The following CTSD variants were observed in gnomAD, a reference collection of about 807,000 sequenced individuals.
The protein encoded by CTSD is cathepsin D, also known as ceroid-lipofuscinosis, neuronal 10.
CTSD carries 28 observed loss-of-function variants against 43.6 expected under a neutral mutation model. The ratio of observed to expected loss-of-function variants is 0.64; its 90% CI spans 0.48 to 0.88. The LOEUF is 0.88. Ranked by LOEUF, CTSD falls within the 40% of genes least tolerant of loss-of-function variation. The pLI is 0.00. For synonymous variants in CTSD, 270 were observed against 249.8 expected (o/e 1.08, Z -0.76); for missense variants, 485 against 555.2 (o/e 0.87, Z 1.27).
chr11:1,756,981 G>C (rs1351307918), intron 5 of CTSD, among the ~76,000 whole-genome samples: 1 of 152,176 alleles, frequency 6.6e-6, no homozygotes, highest in African/African-American at 2.4e-5. Flanking sequence ...ACCAGGTCTG[G>C]GGACCGACGG....
intron 5 of CTSD, 91 bp from the exon 6 acceptor site, chr11:1,755,119 G>T: frequency 6.6e-7 from 1 of 1,509,602 alleles, no homozygotes; most frequent in African/African-American, 1.4e-5. Context: ...TGGCAATCAG[G>T]GAGAGCTTCC....
chr11:1,760,627 C>A (rs145584277), intron 2 of CTSD: 160 of 155,168 alleles, frequency 1.0e-3, no homozygotes, highest in East Asian at 2.7e-3. Context: ...ACTGGCCAGT[C>A]GGGACCAGGC....
At chr11:1,754,662 A>G in intron 6 of CTSD, among the ~76,000 whole-genome samples, 1 of 130,004 alleles carries the variant, frequency 7.7e-6, no homozygotes, top group East Asian at 2.5e-4. Context: ...GGTCATGGAG[A>G]GTCACAGAGG....
chr11:1,756,000 G>A (rs1245937393), intron 5 of CTSD, among the ~76,000 whole-genome samples: 1 of 152,102 alleles, frequency 6.6e-6, no homozygotes, highest in Non-Finnish European at 1.5e-5. Context: ...CTACACCTGG[G>A]CACTCACAAC....
At chr11:1,760,949 G>A (rs1590908430) in intron 2 of CTSD, 1 of 347,598 alleles carries the variant, frequency 2.9e-6, no homozygotes, top group South Asian at 2.4e-5. Context: ...AGGGGCTGGG[G>A]AGGCCACGAG....
At chr11:1,753,717 C>T (rs748719137) in intron 8 of CTSD, 47 bp from the exon 9 acceptor site, 6 of 1,609,770 alleles carry the variant, frequency 3.7e-6, no homozygotes, top group South Asian at 1.1e-5. Flanking sequence ...ACCACCCGCC[C>T]CCCCACCTGT....
At position 1,753,022 on chromosome 11, in the gene CTSD, T is replaced by C; in HGVS notation, c.*481A>G. ...CTCATCCTCAACGGGCCCGGGACAC[T>C]GAACAGGTAGGGTGGCAGAGCCCAG... On this transcript the variant is annotated 3_prime_UTR_variant, in exon 9 of 9. Transcript: ENST00000236671. The C allele has an allele frequency of 3.8e-6, 1 of 261,756 alleles. No individual in the cohort carries two copies. The highest frequency in any genetic ancestry group is 7.6e-6 in the Non-Finnish European group (1 of 131,380). The allele number at this position is 261,756 out of a possible 1,614,324, so 16.2% of individuals were successfully genotyped here.
In CTSD at chr11:1,754,896, CACT is replaced by C; in HGVS notation, c.827+7_827+9del. 1.9e-6 allele frequency: 3 copies of C among 1,613,764 alleles called. No homozygotes were observed. The highest frequency in any genetic ancestry group is 2.5e-6 in the Non-Finnish European group (3 of 1,179,880). On this transcript the variant is annotated splice_region_variant and intron_variant, in intron 6 of 8. Coordinates refer to ENST00000236671, the MANE Select transcript of CTSD (RefSeq NM_001909.5). ...AGAACCCAGGGGAGCCGACTGCAGC[CACT>C]ACTCACTGGTCCAGGTGGACCTGCC...
Position 1,757,389 on chromosome 11 carries a change from G to A in CTSD, c.639C>T (p.Pro213=), listed in dbSNP as rs146073498. The A allele has an allele frequency of 2.7e-5, 44 of 1,614,056 alleles. No individual in the cohort carries two copies. The East Asian group carries it at 2.9e-4, about 11-fold the overall frequency. ...YPRISVNNVL[P]VFDNLMQQKL... ...TCTGCTGCATCAGGTTGTCGAAGAC[G>A]GGCAGCACGTTGTTGACGGAGATGC... The change falls in exon 5 of 9, where the codon CCC becomes CCT. Residue 213 remains proline, a synonymous_variant. Transcript: ENST00000236671.
At position 1,754,947 on chromosome 11, in the gene CTSD, C is replaced by T; in HGVS notation, c.786G>A (p.Leu262=). ...SKYYKGSLSY[L]NVTRKAYWQV... Reference sequence around the variant, plus strand: ...GCCAGTAGGCCTTGCGGGTGACATTCAGGTAGGACAGAGAACCCTTGTAAT... The same window carrying T: ...GCCAGTAGGCCTTGCGGGTGACATTTAGGTAGGACAGAGAACCCTTGTAAT... Residue 262 remains leucine (L), a synonymous_variant, in exon 6 of 9, where the codon CTG becomes CTA. Transcript: ENST00000236671. 1 of 1,613,940 alleles carries T rather than the reference C, an allele frequency of 6.2e-7. No homozygotes were observed. The highest frequency in any genetic ancestry group is 8.5e-7 in the Non-Finnish European group (1 of 1,179,900).
chr11:1,753,729 G>A (rs1465673891), intron 8 of CTSD, 59 bp from the exon 9 acceptor site: 53 of 1,606,424 alleles, frequency 3.3e-5, no homozygotes, highest in Non-Finnish European at 1.7e-6. Flanking sequence ...CCCACCTGTT[G>A]CCCGCTCACC....
chr11:1,763,782 G>A lies in CTSD; in HGVS notation c.68+10C>T, dbSNP rs760082760. 36 of 1,523,930 alleles carry A rather than the reference G, an allele frequency of 2.4e-5. No homozygotes were observed. The African/African-American group carries it at 4.8e-4, about 20-fold the overall frequency. 94.4% of individuals were successfully genotyped at this position (1,523,930 alleles called of 1,614,324 possible). On this transcript the variant is annotated intron_variant, in intron 1 of 8. Coordinates refer to ENST00000236671, the MANE Select transcript of CTSD (RefSeq NM_001909.5). ...TGCCCGTCCCTGAGCCCCGGCCCCT[G>A]AGGCTTCACCTGACGAGCGCGGAGG...
Position 1,752,910 on chromosome 11 carries a change from T to C in CTSD, c.*593A>G. The stretch of plus-strand genomic sequence containing the variant: ...GCCAATACATGCCCCTGGGACTGGC[T>C]CAGTCCCAGCACCACCCTGCAGGCT... On this transcript the variant is annotated 3_prime_UTR_variant, in exon 9 of 9. Coordinates refer to ENST00000236671, the MANE Select transcript of CTSD (RefSeq NM_001909.5). 1 of 167,550 alleles carries C rather than the reference T, an allele frequency of 6.0e-6. No individual in the cohort carries two copies. Among genetic ancestry groups the C allele is most frequent in the South Asian group, 1.5e-4 (1 of 6,864 alleles). 10.4% of individuals were successfully genotyped at this position (167,550 alleles called of 1,614,324 possible).
At position 1,755,040 on chromosome 11, in the gene CTSD, A is replaced by T. The variant is rs1182331333; in HGVS notation, c.705-12T>A. The T allele has an allele frequency of 6.2e-7, 1 of 1,613,366 alleles. No individual in the cohort carries two copies. Among genetic ancestry groups the T allele is most frequent in the Non-Finnish European group, 8.5e-7 (1 of 1,179,796 alleles). On this transcript the variant is annotated splice_polypyrimidine_tract_variant and intron_variant, in intron 5 of 8. Coordinates refer to ENST00000236671, the MANE Select transcript of CTSD (RefSeq NM_001909.5). ...GCGCATCTGGGTCCCTAGGAGGAAA[A>T]GGGAGGAGTCAGCTGCCACGCCACC...
chr11:1,754,650 T>A (rs1450378714), intron 6 of CTSD, among the ~76,000 whole-genome samples: 6 of 110,640 alleles, frequency 5.4e-5, no homozygotes, highest in African/African-American at 1.1e-4. Flanking sequence ...GAAGGGATGG[T>A]GGGTCATGGA....
At position 1,753,534 on chromosome 11, in the gene CTSD, C is replaced by T; in HGVS notation, c.1208G>A (p.Arg403Lys). 1 of 1,613,026 alleles carries T rather than the reference C, an allele frequency of 6.2e-7. No individual in the cohort carries two copies. The highest frequency in any genetic ancestry group is 8.5e-7 in the Non-Finnish European group (1 of 1,179,902). ...GCGGGCAGCCTCGGCGAAGCCCACCCTGTTGTTGTCACGGTCAAACACAGT... is the reference window on the plus strand; with the variant it reads ...GCGGGCAGCCTCGGCGAAGCCCACCTTGTTGTTGTCACGGTCAAACACAGT... The part of the protein sequence containing the change: ...YYTVFDRDNN[R>K]VGFAEAARL The change falls in exon 9 of 9, where the codon AGG becomes AAG. Residue 403 changes from arginine (R) to lysine (K), a missense_variant. Coordinates refer to ENST00000236671, the MANE Select transcript of CTSD (RefSeq NM_001909.5).
rs8839 is a variant in CTSD at position 1,752,906 on chromosome 11, T to G, written c.*597A>C. 24,629 of 164,580 alleles carry G rather than the reference T, an allele frequency of 0.15. 2,025 individuals are homozygous for G. Among genetic ancestry groups the G allele is most frequent in the South Asian group, 0.27 (1,711 of 6,428 alleles). 10.2% of individuals were successfully genotyped at this position (164,580 alleles called of 1,614,324 possible). A position where few individuals can be genotyped will look rare whatever the true frequency, so the allele number is the denominator to read the frequency against. ...CCAGGCCAATACATGCCCCTGGGAC[T>G]GGCTCAGTCCCAGCACCACCCTGCA... On this transcript the variant is annotated 3_prime_UTR_variant, in exon 9 of 9. Coordinates refer to ENST00000236671, the MANE Select transcript of CTSD (RefSeq NM_001909.5).
Position 1,759,517 on chromosome 11 carries a change from G to A in CTSD, c.351C>T (p.Cys117=). ...SIHCKLLDIA[C]WIHHKYNSDK... is the part of the protein sequence containing the mutation. ...ACGGGGCCAGGGTTCGTGACTCACA[G>A]CAAGCGATGTCCAGCAGTTTGCAGT... The change falls in exon 3 of 9, where the codon TGC becomes TGT. Residue 117 remains cysteine (C), a splice_region_variant and synonymous_variant. Transcript: ENST00000236671. The A allele has an allele frequency of 6.2e-7, 1 of 1,613,464 alleles. No homozygotes were observed. Among genetic ancestry groups the A allele is most frequent in the Non-Finnish European group, 8.5e-7 (1 of 1,179,990 alleles).
At chr11:1,760,273 G>A (rs1034563382) in intron 2 of CTSD, 8 of 152,650 alleles carry the variant, frequency 5.2e-5, no homozygotes, top group African/African-American at 1.7e-4. Context: ...AGGGATAGCA[G>A]GCGCAGGTGG....
Sources: allele counts gnomAD v4.1 joint callset (sites outside exome capture counted in the v4.1 genomes callset), GRCh38; gene constraint gnomAD v4.1.1; transcripts MANE v1.5; gene names NCBI Gene and HGNC (gene_info 2026-07-23, HGNC 2026-07-21).